The following EPHB1 variants were observed in gnomAD, a reference collection of about 807,000 sequenced individuals.
EPHB1 encodes ephrin type-B receptor 1.
A neutral mutation model predicts 94.4 loss-of-function variants in EPHB1; 30 were observed. That is an observed-to-expected ratio of 0.32 (90% CI 0.24 to 0.43). The LOEUF (loss-of-function observed/expected upper bound fraction) is 0.43, where lower values mean the gene tolerates loss of function less well. EPHB1 is among the 20% of genes least tolerant of loss of function. EPHB1 has a pLI of 1.00. For missense variants in EPHB1, 1,055 were observed against 1,308.3 expected, an observed-to-expected ratio of 0.81 and a Z score of 2.99; for synonymous variants, 522 against 489.1, an observed-to-expected ratio of 1.07 and a Z score of -0.89.
At chr3:135,163,209 T>C (rs1576437635) in intron 7 of EPHB1, among the ~76,000 whole-genome samples, 1 of 152,368 alleles carries the variant, frequency 6.6e-6, no homozygotes. Context: ...AATTGGAAAC[T>C]TTTAAAATCA....
chr3:134,984,300 G>A (rs555158951), intron 3 of EPHB1, among the ~76,000 whole-genome samples: 21 of 152,184 alleles, frequency 1.4e-4, no homozygotes, highest in African/African-American at 4.1e-4. Flanking sequence ...CAGCTCGGCC[G>A]TCTTCCCTCA....
chr3:134,859,157 G>T (rs1010390444), intron 1 of EPHB1, among the ~76,000 whole-genome samples: 13 of 152,164 alleles, frequency 8.5e-5, no homozygotes, highest in Non-Finnish European at 7.4e-5. Context: ...TTCTTATCAG[G>T]ATCTCTCAGT....
At chr3:135,091,670 A>C (rs1048855448) in intron 3 of EPHB1, among the ~76,000 whole-genome samples, 6 of 152,188 alleles carry the variant, frequency 3.9e-5, no homozygotes, top group African/African-American at 1.4e-4. Context: ...CTTCCCTAAG[A>C]GAAGAGTTGT....
intron 3 of EPHB1, among the ~76,000 whole-genome samples, chr3:135,105,715 A>G (rs1403009941): frequency 6.6e-6 from 1 of 152,164 alleles, no homozygotes; most frequent in Non-Finnish European, 1.5e-5. Context: ...AACCTTCCCC[A>G]CTGCCATGTG....
chr3:135,068,491 TA>T (rs1937614346), intron 3 of EPHB1, among the ~76,000 whole-genome samples: 1 of 152,150 alleles, frequency 6.6e-6, no homozygotes. Context: ...TACCCATTTT[TA>T]AATTGGTTTG....
intron 1 of EPHB1, among the ~76,000 whole-genome samples, chr3:134,805,409 G>A (rs2036023375): frequency 6.6e-6 from 1 of 152,140 alleles, no homozygotes; most frequent in African/African-American, 2.4e-5. Flanking sequence ...ACACACTTTG[G>A]GTGTCGAACC....
chr3:135,116,078 G>A (rs1939692483), intron 4 of EPHB1, among the ~76,000 whole-genome samples: 2 of 152,112 alleles, frequency 1.3e-5, no homozygotes, highest in African/African-American at 4.8e-5. Context: ...GCCAGGCATG[G>A]TGGCACACAC....
chr3:135,077,244 C>A (rs1231993211), intron 3 of EPHB1, among the ~76,000 whole-genome samples: 6 of 152,164 alleles, frequency 3.9e-5, no homozygotes, highest in African/African-American at 1.2e-4. Flanking sequence ...AGGCTGCAGG[C>A]CACTGGTGTG....
At chr3:135,099,211 T>C (rs1938934515) in intron 3 of EPHB1, among the ~76,000 whole-genome samples, 1 of 152,108 alleles carries the variant, frequency 6.6e-6, no homozygotes, top group South Asian at 2.1e-4. Flanking sequence ...TGCCTATGTG[T>C]AAGTTTGTGC....
chr3:135,002,124 A>G (rs1293074564), intron 3 of EPHB1, among the ~76,000 whole-genome samples: 1 of 152,214 alleles, frequency 6.6e-6, no homozygotes, highest in Non-Finnish European at 1.5e-5. Flanking sequence ...GTATGCTGTA[A>G]TATGGATGGA....
intron 1 of EPHB1, among the ~76,000 whole-genome samples, chr3:134,882,814 CTT>C (rs57123397): frequency 1.1e-5 from 1 of 93,134 alleles, no homozygotes; most frequent in African/African-American, 4.1e-5. Flanking sequence ...TTCTTTCTTT[CTT>C]TCTTTCTTTT....
intron 3 of EPHB1, among the ~76,000 whole-genome samples, chr3:134,976,888 T>A (rs548669937): frequency 6.6e-6 from 1 of 152,326 alleles, no homozygotes; most frequent in Non-Finnish European, 1.5e-5. Context: ...CCTTGAACTC[T>A]GGGGCTCTGC....
At chr3:135,150,568 A>G (rs1190660928) in intron 5 of EPHB1, among the ~76,000 whole-genome samples, 1 of 152,202 alleles carries the variant, frequency 6.6e-6, no homozygotes, top group Non-Finnish European at 1.5e-5. Flanking sequence ...TAGCAACAGC[A>G]TTTAACGTAT....
intron 3 of EPHB1, among the ~76,000 whole-genome samples, chr3:135,000,858 A>G (rs1234008433): frequency 1.3e-5 from 2 of 152,174 alleles, no homozygotes; most frequent in East Asian, 1.9e-4. Flanking sequence ...TGGTGAAGCT[A>G]TTATCAACAC....
intron 3 of EPHB1, among the ~76,000 whole-genome samples, chr3:134,978,568 C>T (rs1335082876): frequency 6.6e-5 from 10 of 152,200 alleles, no homozygotes; most frequent in Non-Finnish European, 1.2e-4. Flanking sequence ...TTTCCTCTTC[C>T]TGGATTTCCC....
chr3:135,003,433 C>G (rs1168487662), intron 3 of EPHB1, among the ~76,000 whole-genome samples: 29 of 148,682 alleles, frequency 2.0e-4, no homozygotes, highest in Non-Finnish European at 4.4e-4. Context: ...AATGTATATT[C>G]TGTTGATTTG....
intron 12 of EPHB1, among the ~76,000 whole-genome samples, chr3:135,239,684 C>T (rs1187896042): frequency 6.6e-6 from 1 of 152,222 alleles, no homozygotes. Flanking sequence ...TGATGCTGGA[C>T]AGCACAGGCC....
chr3:134,888,880 T>C (rs2037911175), intron 1 of EPHB1, among the ~76,000 whole-genome samples: 1 of 151,886 alleles, frequency 6.6e-6, no homozygotes, highest in South Asian at 2.1e-4. Context: ...ATCTCTGCTC[T>C]CCTGGAGCTT....
In EPHB1 at chr3:134,941,967, A is replaced by G. The variant is rs2107710196; in HGVS notation, c.124-9404A>G. Among the ~76,000 whole-genome samples, 2 of 152,346 alleles carry G rather than the reference A, an allele frequency of 1.3e-5. 1 individual carries two copies. Among genetic ancestry groups the G allele is most frequent in the South Asian group, 4.1e-4 (2 of 4,828 alleles). ...TCAAAGTCATGATCTGAAAGCCTGA[A>G]CAAGTACTTTCTAATGGATGTCACT... On this transcript the variant is annotated intron_variant, in intron 2 of 15. Coordinates refer to ENST00000398015, the MANE Select transcript of EPHB1 (RefSeq NM_004441.5).
Sources: allele counts gnomAD v4.1 joint callset (sites outside exome capture counted in the v4.1 genomes callset), GRCh38; gene constraint gnomAD v4.1.1; transcripts MANE v1.5; gene names NCBI Gene and HGNC (gene_info 2026-07-23, HGNC 2026-07-21).